The following NCKAP5 variants were observed in gnomAD, a reference collection of about 807,000 sequenced individuals.
The protein encoded by NCKAP5 is nck-associated protein 5.
Under a neutral mutation model 167.0 loss-of-function variants are expected in NCKAP5, and 92 were observed. The ratio of observed to expected loss-of-function variants is 0.55; its 90% CI spans 0.47 to 0.66. The LOEUF (loss-of-function observed/expected upper bound fraction) is 0.66, where lower values mean the gene tolerates loss of function less well. Ranked by LOEUF, NCKAP5 falls within the 30% of genes least tolerant of loss-of-function variation. The pLI is 0.00. For missense variants in NCKAP5, 2,378 were observed against 2,315.0 expected (o/e 1.03, Z -0.56); for synonymous variants, 891 against 877.4 (o/e 1.02, Z -0.27).
chr2:133,377,906 G>A (rs746204917), intron 3 of NCKAP5, among the ~76,000 whole-genome samples: 2 of 152,168 alleles, frequency 1.3e-5, no homozygotes, highest in Non-Finnish European at 2.9e-5. Context: ...GATCCACACA[G>A]GGAGCAGTCT....
intron 9 of NCKAP5, among the ~76,000 whole-genome samples, chr2:132,878,613 TAC>T (rs10544477): frequency 0.041 from 5,362 of 131,888 alleles, 121 homozygotes; most frequent in Middle Eastern, 0.079. Context: ...GGGGGGCAGA[TAC>T]ACACACACAC....
chr2:133,480,300 A>G (rs1327828481), intron 3 of NCKAP5, among the ~76,000 whole-genome samples: 3 of 152,144 alleles, frequency 2.0e-5, no homozygotes, highest in African/African-American at 7.2e-5. Context: ...CTGAGTGGAT[A>G]TGAGTACCTT....
intron 8 of NCKAP5, among the ~76,000 whole-genome samples, chr2:132,957,304 T>A (rs1412093873): frequency 6.6e-6 from 1 of 152,220 alleles, no homozygotes; most frequent in Non-Finnish European, 1.5e-5. Flanking sequence ...ACTTTTTTCC[T>A]TGTATTCCAC....
intron 16 of NCKAP5, among the ~76,000 whole-genome samples, chr2:132,756,862 G>A (rs1052937892): frequency 6.6e-6 from 1 of 152,072 alleles, no homozygotes; most frequent in Non-Finnish European, 1.5e-5. Context: ...TTTCAAATGG[G>A]CAGAAACTCA....
At chr2:133,607,875 T>C in the NCKAP5 span, among the ~76,000 whole-genome samples, 1 of 152,216 alleles carries the variant, frequency 6.6e-6, no homozygotes, top group African/African-American at 2.4e-5. Flanking sequence ...ATGGTGAGTC[T>C]GGGACTCATT....
intron 19 of NCKAP5, among the ~76,000 whole-genome samples, chr2:132,675,354 G>A (rs1573798885): frequency 6.6e-6 from 1 of 152,302 alleles, no homozygotes; most frequent in South Asian, 2.1e-4. Context: ...TTTCAGGACT[G>A]CAATAAGTAT....
chr2:132,788,181 C>T (rs914975045), intron 13 of NCKAP5, among the ~76,000 whole-genome samples: 1 of 152,204 alleles, frequency 6.6e-6, no homozygotes, highest in African/African-American at 2.4e-5. Context: ...TGGCATTTCT[C>T]ACAGGCAGAT....
At chr2:133,652,649 G>A in the NCKAP5 span, among the ~76,000 whole-genome samples, 1 of 152,134 alleles carries the variant, frequency 6.6e-6, no homozygotes, top group Non-Finnish European at 1.5e-5. Flanking sequence ...TTTCTCTCTG[G>A]CCAAAGAACT....
intron 3 of NCKAP5, among the ~76,000 whole-genome samples, chr2:133,485,429 T>G (rs889588176): frequency 2.0e-5 from 3 of 152,170 alleles, no homozygotes; most frequent in Non-Finnish European, 4.4e-5. Context: ...AGCTTCTAGA[T>G]GACCATATTT....
intron 8 of NCKAP5, among the ~76,000 whole-genome samples, chr2:132,916,504 G>A (rs1212523209): frequency 1.3e-5 from 2 of 152,074 alleles, no homozygotes; most frequent in African/African-American, 4.8e-5. Context: ...CATTAAAATA[G>A]GAAGAGGCAT....
intron 19 of NCKAP5, among the ~76,000 whole-genome samples, chr2:132,710,001 C>T (rs2566524): frequency 0.38 from 57,758 of 151,730 alleles, 12,924 homozygotes; most frequent in East Asian, 0.55. Context: ...GCTGACTAAA[C>T]GGATCATTAT....
At chr2:132,906,239 G>A (rs1694001861) in intron 8 of NCKAP5, among the ~76,000 whole-genome samples, 1 of 152,180 alleles carries the variant, frequency 6.6e-6, no homozygotes, top group Non-Finnish European at 1.5e-5. Flanking sequence ...CAGAGCAAGA[G>A]AGTTCTCTAA....
intron 6 of NCKAP5, among the ~76,000 whole-genome samples, chr2:133,057,504 T>C (rs1017422025): frequency 3.9e-5 from 6 of 152,196 alleles, no homozygotes; most frequent in Non-Finnish European, 8.8e-5. Flanking sequence ...ACTGCTGATA[T>C]GGAGAAAGTC....
intron 17 of NCKAP5, 42 bp from the exon 18 acceptor site, chr2:132,728,994 T>C (rs1690734260): frequency 6.2e-7 from 1 of 1,606,234 alleles, no homozygotes; most frequent in Non-Finnish European, 8.5e-7. Context: ...TCACCTTTCA[T>C]CAACATTTTA....
chr2:132,684,924 G>T (rs1175662928), intron 19 of NCKAP5, among the ~76,000 whole-genome samples: 1 of 152,210 alleles, frequency 6.6e-6, no homozygotes, highest in African/African-American at 2.4e-5. Flanking sequence ...GCCTTCTCTT[G>T]CAAAACGAGT....
At chr2:132,788,821 T>C (rs538616230) in intron 13 of NCKAP5, among the ~76,000 whole-genome samples, 1 of 152,322 alleles carries the variant, frequency 6.6e-6, no homozygotes, top group Non-Finnish European at 1.5e-5. Context: ...TACAAGTTTA[T>C]TATGTAAGTT....
At chr2:133,431,541 A>G (rs1229508699) in intron 3 of NCKAP5, 1 of 152,184 alleles carries the variant, frequency 6.6e-6, no homozygotes, top group African/African-American at 2.4e-5. Flanking sequence ...GAAGTTGTCG[A>G]AGAGGGCAGC....
intron 3 of NCKAP5, among the ~76,000 whole-genome samples, chr2:133,399,129 A>G (rs930715879): frequency 4.6e-5 from 7 of 152,190 alleles, no homozygotes; most frequent in African/African-American, 1.7e-4. Context: ...GCCTTGAGAC[A>G]ACATGCTCTC....
chr2:132,946,583 A>C (rs1346120299), intron 8 of NCKAP5, among the ~76,000 whole-genome samples: 1 of 152,202 alleles, frequency 6.6e-6, no homozygotes, highest in Non-Finnish European at 1.5e-5. Context: ...CCACTTCATG[A>C]ATGTTTTATC....
Sources: gnomAD v4.1 joint callset for allele counts (sites outside exome capture counted in the v4.1 genomes callset) on GRCh38, gnomAD v4.1.1 for gene constraint, MANE v1.5 for transcripts, NCBI Gene and HGNC (gene_info 2026-07-23, HGNC 2026-07-21) for gene names.